The following ATP6V1H variants were observed in gnomAD, a reference collection of about 807,000 sequenced individuals.
The protein encoded by ATP6V1H is V-type proton ATPase subunit H.
ATP6V1H carries 39 observed loss-of-function variants against 71.7 expected under a neutral mutation model. That is an observed-to-expected ratio of 0.54 (90% CI 0.42 to 0.71). The LOEUF (loss-of-function observed/expected upper bound fraction) is 0.71, where lower values mean the gene tolerates loss of function less well. Among genes scored for constraint, ATP6V1H ranks in the 30% least tolerant of loss-of-function variants. The probability of loss-of-function intolerance (pLI) is 0.00; values close to 1 mark genes in which losing one functional copy is unlikely to be tolerated. For synonymous variants in ATP6V1H, 192 were observed against 199.3 expected (o/e 0.96, Z 0.31); for missense variants, 509 against 594.9 (o/e 0.86, Z 1.50).
At chr8:53,801,694 T>C (rs933352769) in intron 8 of ATP6V1H, 105 bp downstream of exon 8, 4 of 949,618 alleles carry the variant, frequency 4.2e-6, no homozygotes, top group Admixed American at 2.8e-5. Context: ...TAAACAGATA[T>C]GAAAAAAATA....
chr8:53,718,441 T>G (rs1806501932), intron 13 of ATP6V1H, among the ~76,000 whole-genome samples: 2 of 146,318 alleles, frequency 1.4e-5, no homozygotes, highest in African/African-American at 5.2e-5. Flanking sequence ...CAGGCTGGAG[T>G]GCAGTGGTGC....
chr8:53,839,336 A>G (rs1014059202), intron 2 of ATP6V1H, among the ~76,000 whole-genome samples: 1 of 152,200 alleles, frequency 6.6e-6, no homozygotes, highest in Non-Finnish European at 1.5e-5. Context: ...GAAATTAGGA[A>G]ACAGAGCTCA....
intron 11 of ATP6V1H, among the ~76,000 whole-genome samples, chr8:53,763,409 T>C (rs551852465): frequency 6.6e-6 from 1 of 152,278 alleles, no homozygotes; most frequent in South Asian, 2.1e-4. Flanking sequence ...TTTTCTGAAA[T>C]CTACAAAACA....
At chr8:53,767,232 T>C (rs1209356773) in intron 11 of ATP6V1H, among the ~76,000 whole-genome samples, 1 of 152,200 alleles carries the variant, frequency 6.6e-6, no homozygotes, top group Admixed American at 6.5e-5. Flanking sequence ...TAGTTAATAA[T>C]AACATATCAA....
intron 7 of ATP6V1H, among the ~76,000 whole-genome samples, chr8:53,807,037 C>G (rs764714784): frequency 7.2e-5 from 11 of 152,310 alleles, no homozygotes; most frequent in South Asian, 4.1e-4. Context: ...AACTCACCAG[C>G]TACAGCAGAC....
In ATP6V1H at chr8:53,793,835, T is replaced by A. The variant is rs185030493; in HGVS notation, c.870+1812A>T. Reference sequence around the variant, plus strand: ...ATGCCTGTGATCCCAGCTACTCAGGTGGCTGAGGCACGAGAAACGCTTGAA... The same window carrying A: ...ATGCCTGTGATCCCAGCTACTCAGGAGGCTGAGGCACGAGAAACGCTTGAA... On this transcript the variant is annotated intron_variant, in intron 9 of 13. Coordinates refer to ENST00000359530, the MANE Select transcript of ATP6V1H (RefSeq NM_015941.4). 2.2e-3 allele frequency among the ~76,000 whole-genome samples: 338 copies of A among 152,200 alleles called. 2 individuals carry two copies. The highest frequency in any genetic ancestry group is 7.9e-3 in the African/African-American group (327 of 41,526).
At chr8:53,728,289 C>A (rs1318256583) in intron 13 of ATP6V1H, among the ~76,000 whole-genome samples, 2 of 152,368 alleles carry the variant, frequency 1.3e-5, no homozygotes. Context: ...CCAAGAGCCA[C>A]TCGGCATGGG....
chr8:53,842,320 A>G (rs1350183720), intron 1 of ATP6V1H, among the ~76,000 whole-genome samples: 2 of 152,238 alleles, frequency 1.3e-5, no homozygotes, highest in Admixed American at 1.3e-4. Context: ...ACATATTACA[A>G]TTTAGGTAAG....
intron 8 of ATP6V1H, among the ~76,000 whole-genome samples, chr8:53,797,466 T>C (rs139269548): frequency 3.2e-4 from 49 of 152,278 alleles, no homozygotes; most frequent in African/African-American, 1.2e-3. Flanking sequence ...GAGTCCTGGG[T>C]TCCAAATCCA....
In ATP6V1H at chr8:53,745,337, A is replaced by T. The variant is rs115203539; in HGVS notation, c.1278-1647T>A. On this transcript the variant is annotated intron_variant, in intron 12 of 13. Transcript: ENST00000359530. ...GATTGCTTGAGCCCAGTTCAAGGTT[A>T]CAGTGAGCTATGATTGCACCACTGC... 4.8e-3 allele frequency among the ~76,000 whole-genome samples: 724 copies of T among 152,274 alleles called. 8 individuals are homozygous for T. The highest frequency in any genetic ancestry group is 0.017 in the African/African-American group (689 of 41,548).
At chr8:53,795,290 C>T (rs1168292897) in intron 9 of ATP6V1H, among the ~76,000 whole-genome samples, 1 of 152,106 alleles carries the variant, frequency 6.6e-6, no homozygotes, top group Non-Finnish European at 1.5e-5. Flanking sequence ...GATCCAGAAC[C>T]TGAAACACAA....
intron 3 of ATP6V1H, among the ~76,000 whole-genome samples, chr8:53,830,497 G>A (rs1034072657): frequency 6.6e-6 from 1 of 151,828 alleles, no homozygotes; most frequent in Non-Finnish European, 1.5e-5. Context: ...GTAACAAATA[G>A]TTGGGTTTTT....
chr8:53,717,898 A>G (rs749732489), intron 13 of ATP6V1H, among the ~76,000 whole-genome samples: 1 of 152,210 alleles, frequency 6.6e-6, no homozygotes, highest in Non-Finnish European at 1.5e-5. Context: ...AAACATTTTA[A>G]AAGTGTACTC....
intron 2 of ATP6V1H, chr8:53,839,636 C>T (rs1811281618): frequency 1.0e-6 from 1 of 985,296 alleles, no homozygotes; most frequent in African/African-American, 1.7e-5. Context: ...CTTCATGCTG[C>T]TAGTAGAACA....
chr8:53,792,348 G>C (rs4737764), intron 9 of ATP6V1H, among the ~76,000 whole-genome samples: 1 of 152,094 alleles, frequency 6.6e-6, no homozygotes, highest in African/African-American at 2.4e-5. Context: ...GTCAATAGCT[G>C]GTCGGTGTTT....
At chr8:53,722,577 CTGAGAGCGTA>C (rs1334861583) in intron 13 of ATP6V1H, among the ~76,000 whole-genome samples, 1 of 152,032 alleles carries the variant, frequency 6.6e-6, no homozygotes, top group Non-Finnish European at 1.5e-5. Context: ...TTTAGAAAGA[CTGAGAGCGTA>C]TGACAGTGGA....
intron 13 of ATP6V1H, among the ~76,000 whole-genome samples, chr8:53,725,910 G>A (rs1440258611): frequency 6.6e-6 from 1 of 152,064 alleles, no homozygotes; most frequent in African/African-American, 2.4e-5. Flanking sequence ...GAACAATTTG[G>A]TCTGAAGGGC....
intron 13 of ATP6V1H, among the ~76,000 whole-genome samples, chr8:53,732,406 TGCAG>T (rs1235916872): frequency 5.3e-5 from 8 of 152,160 alleles, no homozygotes; most frequent in Admixed American, 5.2e-4. Context: ...AAAAAGGTTG[TGCAG>T]GGGATTACAG....
chr8:53,716,643 G>T (rs1324914731), intron 13 of ATP6V1H, among the ~76,000 whole-genome samples: 1 of 152,154 alleles, frequency 6.6e-6, no homozygotes, highest in Non-Finnish European at 1.5e-5. Context: ...AACAATCCCA[G>T]GAGCTGAGTA....
Sources: allele counts gnomAD v4.1 joint callset (sites outside exome capture counted in the v4.1 genomes callset), GRCh38; gene constraint gnomAD v4.1.1; transcripts MANE v1.5; gene names NCBI Gene and HGNC (gene_info 2026-07-23, HGNC 2026-07-21).